Variants in ADGRA2 observed in about 807,000 individuals in gnomAD.
ADGRA2 encodes adhesion G protein-coupled receptor A2, also known as G-protein coupled receptor 124.
ADGRA2 carries 61 observed loss-of-function variants against 98.7 expected under a neutral mutation model. The observed-to-expected ratio is 0.62, with a 90% CI of 0.50 to 0.76. ADGRA2 has a LOEUF of 0.76. ADGRA2 is among the 30% of genes least tolerant of loss of function. ADGRA2 has a pLI of 0.00. For synonymous variants in ADGRA2, 858 were observed against 831.5 expected, an observed-to-expected ratio of 1.03 and a Z score of -0.55; for missense variants, 1,712 against 1,860.0, an observed-to-expected ratio of 0.92 and a Z score of 1.46.
rs1389187744 is a variant in ADGRA2 at position 37,797,633 on chromosome 8, C to A, written c.266+99C>A. The A allele has an allele frequency of 3.6e-6, 4 of 1,112,794 alleles. No homozygotes were observed. The highest frequency in any genetic ancestry group is 4.7e-6 in the Non-Finnish European group (4 of 859,216). The allele number at this position is 1,112,794 out of a possible 1,614,324, so 68.9% of individuals were successfully genotyped here. ...AGCAGGGGGAAGGGGGCTATCCCCC[C>A]ACTTCAGAGATTTCTGGACAGGCCT... On this transcript the variant is annotated intron_variant, in intron 1 of 18. Coordinates refer to ENST00000412232, the MANE Select transcript of ADGRA2 (RefSeq NM_032777.10). The surrounding 1 kb of genome is among the most constrained non-coding windows in gnomAD (Gnocchi z 5.3).
rs147890500 is a variant in ADGRA2, at chr8:37,824,127, G to A, written c.339-4761G>A. 9.1e-3 allele frequency among the ~76,000 whole-genome samples: 1,391 copies of A among 152,188 alleles called. 7 individuals carry two copies. The highest frequency in any genetic ancestry group is 0.017 in the Admixed American group (257 of 15,282). ...GCTCACTGCAATCTCCGCCTCCTGG[G>A]TTCAAGTGATTCTCCTGCCTCTGCT... On this transcript the variant is annotated intron_variant, in intron 2 of 18. Transcript: ENST00000412232.
intron 2 of ADGRA2, among the ~76,000 whole-genome samples, chr8:37,818,729 A>G (rs1805047531): frequency 6.6e-6 from 1 of 152,232 alleles, no homozygotes; most frequent in Admixed American, 6.5e-5. Flanking sequence ...TACTGATAGG[A>G]CCCAGAAAAT....
At chr8:37,813,037 T>G (rs1034446619) in intron 1 of ADGRA2, among the ~76,000 whole-genome samples, 8 of 151,890 alleles carry the variant, frequency 5.3e-5, no homozygotes, top group Non-Finnish European at 1.0e-4. Flanking sequence ...GGGCATGAAC[T>G]GGGGGTGGAG....
In ADGRA2 at chr8:37,841,196, C is replaced by T. The variant is rs779516234; in HGVS notation, c.2858C>T (p.Pro953Leu). 4.0e-5 allele frequency: 64 copies of T among 1,613,450 alleles called. 1 individual carries two copies. The highest frequency in any genetic ancestry group is 5.1e-5 in the Non-Finnish European group (60 of 1,180,038). The change falls in exon 19 of 19, where the codon CCT becomes CTT. Residue 953 changes from proline to leucine, a missense_variant. Physicochemically the swap from Pro to Leu is moderately conservative, Grantham distance 98. Transcript: ENST00000412232. This position sits in a 1 kb window ranked among gnomAD's most constrained non-coding sequence, Gnocchi z 5.0. The stretch of plus-strand genomic sequence containing the variant: ...TGCGCCGGGCTACGCTTACGGGGTC[C>T]TCTGGCACAGAACCCCAAGGCGGGC... ...FLCAGLRLRG[P>L]LAQNPKAGNS...
At chr8:37,836,555 G>A (rs999044641) in intron 13 of ADGRA2, among the ~76,000 whole-genome samples, 1 of 152,128 alleles carries the variant, frequency 6.6e-6, no homozygotes, top group East Asian at 1.9e-4. Context: ...TCTCTCCCCC[G>A]GGACCAGCGA....
intron 1 of ADGRA2, among the ~76,000 whole-genome samples, chr8:37,798,490 AC>A (rs1469039300): frequency 1.3e-5 from 2 of 150,744 alleles, no homozygotes; most frequent in Admixed American, 1.3e-4. Flanking sequence ...AGCATTGGCG[AC>A]CCCTCCCCAC....
At chr8:37,829,782 G>A in intron 5 of ADGRA2, 69 bp from the exon 6 acceptor site, 1 of 1,515,184 alleles carries the variant, frequency 6.6e-7, no homozygotes, top group Non-Finnish European at 9.0e-7. Context: ...TCCCTCCCTG[G>A]GGCCCCAGGC....
intron 2 of ADGRA2, among the ~76,000 whole-genome samples, chr8:37,823,126 T>C (rs955266189): frequency 4.6e-5 from 7 of 151,402 alleles, no homozygotes; most frequent in Non-Finnish European, 1.0e-4. Context: ...CTCCTGACCT[T>C]GTGATCTGCC....
intron 1 of ADGRA2, among the ~76,000 whole-genome samples, chr8:37,803,244 C>T (rs1036966425): frequency 1.3e-5 from 2 of 152,190 alleles, no homozygotes; most frequent in African/African-American, 2.4e-5. Flanking sequence ...CTGAGTTGAT[C>T]GCTGTCCTTC....
In ADGRA2 at chr8:37,796,919, G is replaced by C. The variant is rs1208835384; in HGVS notation, c.-350G>C. The stretch of plus-strand genomic sequence containing the variant: ...GGAGCGGCGGCGGCGGCGGCAGCAG[G>C]AGCCCGGCGCGATCCGCTAGGTCCC... On this transcript the variant is annotated 5_prime_UTR_variant, in exon 1 of 19. Transcript: ENST00000412232. The C allele has an allele frequency of 1.3e-5, 2 of 153,444 alleles. No homozygotes were observed. The highest frequency in any genetic ancestry group is 4.9e-5 in the African/African-American group (2 of 41,224). 9.5% of individuals were successfully genotyped at this position (153,444 alleles called of 1,614,324 possible).
Position 37,814,836 on chromosome 8 carries a change from A to C in ADGRA2, c.267-60A>C. The C allele has an allele frequency of 7.8e-7, 1 of 1,290,280 alleles. No homozygotes were observed. Among genetic ancestry groups the C allele is most frequent in the Non-Finnish European group, 1.1e-6 (1 of 885,586 alleles). The allele number at this position is 1,290,280 out of a possible 1,614,324, so 79.9% of individuals were successfully genotyped here. ...TGCAAGCTGGCCCCACCAGTGGTGA[A>C]AGCGGATGCCCAGCACATAACAGCA... On this transcript the variant is annotated intron_variant, in intron 1 of 18. Transcript: ENST00000412232. The surrounding 1 kb of genome is among the most constrained non-coding windows in gnomAD (Gnocchi z 4.3).
At position 37,830,217 on chromosome 8, in the gene ADGRA2, G is replaced by A. The variant is rs1585397312; in HGVS notation, c.718+203G>A. ...ATCACCATCTGAGAAGTGCTGCCCA[G>A]CACAAAAAGGCTTTTCTGTGCTGTC... On this transcript the variant is annotated intron_variant, in intron 6 of 18. Transcript: ENST00000412232. The surrounding 1 kb of genome is among the most constrained non-coding windows in gnomAD (Gnocchi z 4.8). Among the ~76,000 whole-genome samples, 1 of 152,212 alleles carries A rather than the reference G, an allele frequency of 6.6e-6. No homozygotes were observed. The highest frequency in any genetic ancestry group is 2.1e-4 in the South Asian group (1 of 4,832).
intron 13 of ADGRA2, among the ~76,000 whole-genome samples, chr8:37,837,208 G>A (rs182966489): frequency 6.6e-6 from 1 of 152,366 alleles, no homozygotes; most frequent in Admixed American, 6.5e-5. Context: ...GGTGGCCTGA[G>A]GAAGGTGAAA....
At chr8:37,823,271 G>T (rs1805178602) in intron 2 of ADGRA2, among the ~76,000 whole-genome samples, 1 of 150,732 alleles carries the variant, frequency 6.6e-6, no homozygotes, top group African/African-American at 2.4e-5. Context: ...CATGATCACG[G>T]CTCACTGCAG....
intron 13 of ADGRA2, among the ~76,000 whole-genome samples, chr8:37,836,856 A>G (rs116607057): frequency 6.6e-6 from 1 of 152,120 alleles, no homozygotes; most frequent in African/African-American, 2.4e-5. Flanking sequence ...CGTGGGTTCC[A>G]TCCTGTTCCT....
intron 2 of ADGRA2, among the ~76,000 whole-genome samples, chr8:37,828,380 G>T (rs1805344318): frequency 1.3e-5 from 2 of 151,828 alleles, no homozygotes; most frequent in Admixed American, 6.6e-5. Flanking sequence ...TGAGGCCCTT[G>T]TGATCCCATC....
At position 37,841,322 on chromosome 8, in the gene ADGRA2, C is replaced by A; in HGVS notation, c.2984C>A (p.Thr995Asn). The stretch of plus-strand genomic sequence containing the variant: ...AGTGACTCAGGTTCCCTTCTTGCTA[C>A]TGGGAGCGCGCGAGTGGGGACGCCC... ...LLSDSGSLLATGSARVGTPGP... is the reference protein window; with the variant it reads ...LLSDSGSLLANGSARVGTPGP... The change falls in exon 19 of 19, where the codon ACT becomes AAT. Residue 995 changes from threonine to asparagine, a missense_variant. By Grantham distance (65) the Thr-to-Asn change is moderately conservative (BLOSUM62 0). Transcript: ENST00000412232. This position sits in a 1 kb window ranked among gnomAD's most constrained non-coding sequence, Gnocchi z 5.0. 1.2e-6 allele frequency: 2 copies of A among 1,606,772 alleles called. No homozygotes were observed. The highest frequency in any genetic ancestry group is 1.7e-6 in the Non-Finnish European group (2 of 1,176,792).
intron 2 of ADGRA2, among the ~76,000 whole-genome samples, chr8:37,817,873 C>T (rs374922393): frequency 2.0e-5 from 3 of 151,988 alleles, no homozygotes; most frequent in Admixed American, 6.6e-5. Context: ...AAAAATTAGC[C>T]GGGTGTGGTG....
intron 1 of ADGRA2, among the ~76,000 whole-genome samples, chr8:37,798,519 C>T (rs1804409892): frequency 1.3e-5 from 2 of 152,342 alleles, no homozygotes; most frequent in East Asian, 3.9e-4. Flanking sequence ...ATTTCCTGCG[C>T]CGACCACGTG....
Sources: allele counts gnomAD v4.1 joint callset (sites outside exome capture counted in the v4.1 genomes callset), GRCh38; gene constraint gnomAD v4.1.1; non-coding constraint Gnocchi (gnomAD v3.1); transcripts MANE v1.5; gene names NCBI Gene and HGNC (gene_info 2026-07-23, HGNC 2026-07-21).